The following KIAA1217 variants were observed in gnomAD, a reference collection of about 807,000 sequenced individuals.
KIAA1217 encodes the protein KIAA1217.
Under a neutral mutation model 163.9 loss-of-function variants are expected in KIAA1217, and 88 were observed. The ratio of observed to expected loss-of-function variants is 0.54; its 90% confidence interval spans 0.45 to 0.64. The LOEUF is 0.64. Ranked by LOEUF, KIAA1217 falls within the 30% of genes least tolerant of loss-of-function variation. The probability of loss-of-function intolerance (pLI) is 0.00; values close to 1 mark genes in which losing one functional copy is unlikely to be tolerated. For missense variants in KIAA1217, 2,372 were observed against 2,475.0 expected, an observed-to-expected ratio of 0.96 and a Z score of 0.88; for synonymous variants, 903 against 923.1, an observed-to-expected ratio of 0.98 and a Z score of 0.39.
chr10:24,437,492 T>A (rs1182167113), intron 4 of KIAA1217, among the ~76,000 whole-genome samples: 1 of 152,222 alleles, frequency 6.6e-6, no homozygotes, highest in African/African-American at 2.4e-5. Context: ...GAATTCTTCC[T>A]CCTGCCCACA....
chr10:23,770,943 T>A (rs1834768395), intron 1 of KIAA1217, among the ~76,000 whole-genome samples: 1 of 152,234 alleles, frequency 6.6e-6, no homozygotes, highest in Admixed American at 6.5e-5. Context: ...TGTGACAACA[T>A]AAATTAGCGT....
At chr10:23,769,141 G>C (rs2130875946) in intron 1 of KIAA1217, among the ~76,000 whole-genome samples, 1 of 152,306 alleles carries the variant, frequency 6.6e-6, no homozygotes, top group East Asian at 1.9e-4. Context: ...TCTGGGATTA[G>C]CATTTTAAGG....
intron 1 of KIAA1217, among the ~76,000 whole-genome samples, chr10:23,984,567 G>A (rs1353496845): frequency 2.0e-5 from 3 of 152,126 alleles, no homozygotes; most frequent in African/African-American, 7.2e-5. Context: ...TATACACCAT[G>A]GAATACTATG....
intron 3 of KIAA1217, among the ~76,000 whole-genome samples, chr10:24,410,463 A>G (rs1458738825): frequency 1.3e-5 from 2 of 152,232 alleles, no homozygotes; most frequent in East Asian, 1.9e-4. Context: ...GATTCCTGGT[A>G]TGTCCTTCTG....
chr10:24,290,554 A>G (rs2078989536), intron 2 of KIAA1217, among the ~76,000 whole-genome samples: 1 of 151,982 alleles, frequency 6.6e-6, no homozygotes, highest in African/African-American at 2.4e-5. Context: ...CCTTATCACA[A>G]TAATGCAACA....
intron 1 of KIAA1217, among the ~76,000 whole-genome samples, chr10:23,993,410 C>G (rs532442645): frequency 1.3e-5 from 2 of 152,180 alleles, no homozygotes; most frequent in Non-Finnish European, 2.9e-5. Flanking sequence ...CTTCTCTCCT[C>G]TCTTGTTCTA....
At chr10:24,457,687 G>A (rs945210585) in intron 5 of KIAA1217, among the ~76,000 whole-genome samples, 8 of 152,158 alleles carry the variant, frequency 5.3e-5, no homozygotes, top group Admixed American at 2.0e-4. Context: ...AGGTGTGAGA[G>A]CCACTGTGCT....
At chr10:23,799,167 T>C (rs532761789) in intron 1 of KIAA1217, among the ~76,000 whole-genome samples, 6 of 152,308 alleles carry the variant, frequency 3.9e-5, no homozygotes, top group African/African-American at 1.2e-4. Flanking sequence ...CTTTCTTTTT[T>C]ACAAGGGCAT....
intron 9 of KIAA1217, among the ~76,000 whole-genome samples, chr10:24,509,068 T>C (rs1397067211): frequency 6.6e-6 from 1 of 152,228 alleles, no homozygotes; most frequent in Non-Finnish European, 1.5e-5. Context: ...AGACAGTTGA[T>C]TTTAACTATT....
intron 1 of KIAA1217, among the ~76,000 whole-genome samples, chr10:23,745,638 G>C (rs1839365402): frequency 6.6e-6 from 1 of 152,122 alleles, no homozygotes; most frequent in Non-Finnish European, 1.5e-5. Flanking sequence ...GAGAAATGAT[G>C]TATTTTCTTT....
chr10:23,857,462 G>T (rs930907313), intron 1 of KIAA1217, among the ~76,000 whole-genome samples: 10 of 152,196 alleles, frequency 6.6e-5, no homozygotes, highest in African/African-American at 2.4e-4. Flanking sequence ...TAATAATGAT[G>T]ATCTCTAGCT....
chr10:24,445,535 C>G (rs1204257087), intron 5 of KIAA1217, among the ~76,000 whole-genome samples: 1 of 115,580 alleles, frequency 8.7e-6, no homozygotes, highest in Non-Finnish European at 1.7e-5. Context: ...CCCCCCTCCC[C>G]CCACCCCACA....
At chr10:24,128,922 T>C (rs1444922859) in intron 2 of KIAA1217, among the ~76,000 whole-genome samples, 4 of 152,246 alleles carry the variant, frequency 2.6e-5, no homozygotes, top group Admixed American at 2.0e-4. Flanking sequence ...TCAATGGCCC[T>C]GTTAAAGGCT....
At chr10:24,298,348 C>A (rs2040869519) in intron 2 of KIAA1217, among the ~76,000 whole-genome samples, 1 of 151,700 alleles carries the variant, frequency 6.6e-6, no homozygotes, top group Non-Finnish European at 1.5e-5. Context: ...ATCTATGTGA[C>A]TAAGCAAGTT....
intron 2 of KIAA1217, among the ~76,000 whole-genome samples, chr10:24,259,735 G>A (rs2075540006): frequency 1.3e-5 from 2 of 152,198 alleles, no homozygotes; most frequent in African/African-American, 4.8e-5. Context: ...GGGAGCCTGA[G>A]CCCCCTTGAA....
chr10:24,068,270 C>T (rs867602780), intron 2 of KIAA1217, among the ~76,000 whole-genome samples: 4 of 152,192 alleles, frequency 2.6e-5, no homozygotes, highest in Admixed American at 6.5e-5. Context: ...TGTTTCTATT[C>T]AGCCATCTTA....
chr10:23,841,821 T>C (rs1431475210), intron 1 of KIAA1217, among the ~76,000 whole-genome samples: 1 of 148,622 alleles, frequency 6.7e-6, no homozygotes, highest in African/African-American at 2.5e-5. Flanking sequence ...TCCCACACCA[T>C]TGGGACTTTA....
At chr10:23,741,223 AAC>A (rs766651194) in intron 1 of KIAA1217, among the ~76,000 whole-genome samples, 3 of 152,110 alleles carry the variant, frequency 2.0e-5, no homozygotes, top group Non-Finnish European at 2.9e-5. Flanking sequence ...AGGAAGAGAG[AAC>A]ACAGTCTTCA....
chr10:23,783,053 A>G (rs1400912538), intron 1 of KIAA1217, among the ~76,000 whole-genome samples: 1 of 152,202 alleles, frequency 6.6e-6, no homozygotes, highest in Non-Finnish European at 1.5e-5. Flanking sequence ...AAGAATGTGG[A>G]ATTTTGTCAA....
Sources: gnomAD v4.1 joint callset for allele counts (sites outside exome capture counted in the v4.1 genomes callset) on GRCh38, gnomAD v4.1.1 for gene constraint, MANE v1.5 for transcripts, NCBI Gene and HGNC (gene_info 2026-07-23, HGNC 2026-07-21) for gene names.